Variants in PALM observed in about 807,000 individuals in gnomAD.
PALM encodes the protein paralemmin, also known as paralemmin-1.
PALM carries 18 observed loss-of-function variants against 30.7 expected under a neutral mutation model. The ratio of observed to expected loss-of-function variants is 0.59; its 90% CI spans 0.41 to 0.87. The LOEUF (loss-of-function observed/expected upper bound fraction) is 0.87, where lower values mean the gene tolerates loss of function less well. Among genes scored for constraint, PALM ranks in the 40% least tolerant of loss-of-function variants. PALM has a pLI of 0.00. For synonymous variants in PALM, 286 were observed against 242.8 expected, an observed-to-expected ratio of 1.18 and a Z score of -1.66; for missense variants, 529 against 555.4, an observed-to-expected ratio of 0.95 and a Z score of 0.48.
At chr19:740,625 C>A in intron 8 of PALM, 142 bp downstream of exon 8, 1 of 801,874 alleles carries the variant, frequency 1.2e-6, no homozygotes, top group Non-Finnish European at 1.9e-6. Context: ...CAGGCCAGGG[C>A]CTCACCCCCT....
chr19:748,001 C>G lies in PALM; in HGVS notation c.*1187C>G, dbSNP rs922452773. On this transcript the variant is annotated 3_prime_UTR_variant, in exon 9 of 9. Coordinates refer to ENST00000338448, the MANE Select transcript of PALM (RefSeq NM_002579.3). ...AACTTGGTCCCTGCCCTAGGGACCT[C>G]CAGCCTGGTGCCCAGTGCTCAGGCC... 1 of 152,622 alleles carries G rather than the reference C, an allele frequency of 6.6e-6. No homozygotes were observed. Among genetic ancestry groups the G allele is most frequent in the Admixed American group, 6.5e-5 (1 of 15,284 alleles). The allele number at this position is 152,622 out of a possible 1,614,324, so 9.5% of individuals were successfully genotyped here. A position where few individuals can be genotyped will look rare whatever the true frequency, so the allele number is the denominator to read the frequency against.
intron 6 of PALM, chr19:735,125 GCGGGGCCTGTGTCT>G (rs2032983602): frequency 1.4e-6 from 1 of 734,908 alleles, no homozygotes; most frequent in Non-Finnish European, 1.7e-6. Flanking sequence ...CTGTGTCTGT[GCGGGGCCTGTGTCT>G]GGGGGCCCAG....
chr19:725,913 C>T (rs1007468614), intron 1 of PALM, among the ~76,000 whole-genome samples: 1 of 152,222 alleles, frequency 6.6e-6, no homozygotes, highest in Non-Finnish European at 1.5e-5. Flanking sequence ...TCTCCCCAAA[C>T]CCTTCCTGGT....
chr19:741,451 G>A (rs574441986), intron 8 of PALM, among the ~76,000 whole-genome samples: 4 of 145,102 alleles, frequency 2.8e-5, no homozygotes, highest in Admixed American at 6.8e-5. Context: ...GAGGGGAGAC[G>A]GGCTGCAGGG....
chr19:713,171 G>T (rs951770849), intron 1 of PALM, among the ~76,000 whole-genome samples: 1 of 136,182 alleles, frequency 7.3e-6, no homozygotes, highest in Admixed American at 7.2e-5. Context: ...TTGTGGTCTT[G>T]TGGGGCGTGG....
intron 1 of PALM, among the ~76,000 whole-genome samples, chr19:713,792 G>T (rs2032162293): frequency 6.6e-6 from 1 of 152,158 alleles, no homozygotes. Flanking sequence ...ATGTTGGCCA[G>T]GCTGGTCTCG....
At chr19:734,546 A>G (rs750535077) in intron 6 of PALM, 1 of 277,220 alleles carries the variant, frequency 3.6e-6, no homozygotes, top group Non-Finnish European at 6.9e-6. Context: ...TCTGCCAAAC[A>G]TAAAAAAATT....
chr19:718,435 A>T (rs2032340305), intron 1 of PALM, among the ~76,000 whole-genome samples: 1 of 151,802 alleles, frequency 6.6e-6, no homozygotes, highest in African/African-American at 2.4e-5. Flanking sequence ...GTGGGGAGGG[A>T]CCATGGGGCC....
rs1599174438 is a variant in PALM, at chr19:746,896, A to C, written c.*82A>C. ...CCCTCCCGGCGCCTGCCCACCCTCCACCCACAGCCTCACGGGTCCAGGACT... is the reference window on the plus strand; with the variant it reads ...CCCTCCCGGCGCCTGCCCACCCTCCCCCCACAGCCTCACGGGTCCAGGACT... On this transcript the variant is annotated 3_prime_UTR_variant, in exon 9 of 9. Coordinates refer to ENST00000338448, the MANE Select transcript of PALM (RefSeq NM_002579.3). The surrounding 1 kb of genome is among the most constrained non-coding windows in gnomAD (Gnocchi z 7.1). 2.9e-6 allele frequency: 2 copies of C among 697,798 alleles called. No homozygotes were observed. Among genetic ancestry groups the C allele is most frequent in the Non-Finnish European group, 2.2e-6 (1 of 454,876 alleles). The allele number at this position is 697,798 out of a possible 1,614,324, so 43.2% of individuals were successfully genotyped here. A position where few individuals can be genotyped will look rare whatever the true frequency, so the allele number is the denominator to read the frequency against.
At chr19:735,936 G>A in intron 6 of PALM, 83 bp from the exon 7 acceptor site, 1 of 1,164,276 alleles carries the variant, frequency 8.6e-7, no homozygotes, top group Non-Finnish European at 1.3e-6. Flanking sequence ...GCACTTCTGT[G>A]AAGGGGCGTT....
At chr19:728,962 C>G (rs1053425675) in intron 4 of PALM, among the ~76,000 whole-genome samples, 3 of 151,782 alleles carry the variant, frequency 2.0e-5, no homozygotes, top group East Asian at 1.9e-4. Context: ...CAAGATCTCA[C>G]CGCTGCACTC....
intron 4 of PALM, among the ~76,000 whole-genome samples, chr19:729,315 G>A (rs770727824): frequency 2.0e-4 from 31 of 151,820 alleles, no homozygotes; most frequent in Non-Finnish European, 3.5e-4. Context: ...GACAGAGCGA[G>A]AATCTGTCTA....
chr19:739,799 A>C (rs1187397910), intron 7 of PALM, among the ~76,000 whole-genome samples: 1 of 151,760 alleles, frequency 6.6e-6, no homozygotes, highest in African/African-American at 2.4e-5. Flanking sequence ...AACATAGAGA[A>C]ACCCCGTCTC....
intron 1 of PALM, among the ~76,000 whole-genome samples, chr19:722,341 A>G (rs2032517737): frequency 6.6e-6 from 1 of 152,160 alleles, no homozygotes; most frequent in South Asian, 2.1e-4. Flanking sequence ...CAGCCTCCCA[A>G]GTAGCTGGGA....
At chr19:716,011 G>T (rs536756695) in intron 1 of PALM, among the ~76,000 whole-genome samples, 1 of 152,102 alleles carries the variant, frequency 6.6e-6, no homozygotes, top group Non-Finnish European at 1.5e-5. Flanking sequence ...GCTGTCTCCC[G>T]CCCCAGGGTT....
intron 1 of PALM, among the ~76,000 whole-genome samples, chr19:713,531 G>A (rs1168786255): frequency 6.6e-6 from 1 of 152,200 alleles, no homozygotes; most frequent in Non-Finnish European, 1.5e-5. Context: ...CATTAGCCAG[G>A]TTCATCCTTA....
At chr19:739,549 C>T (rs1031389917) in intron 7 of PALM, among the ~76,000 whole-genome samples, 13 of 152,004 alleles carry the variant, frequency 8.6e-5, no homozygotes, top group Admixed American at 2.0e-4. Context: ...GGTGTGGTGG[C>T]GCACACCTGT....
rs1178418588 is a variant in PALM at position 735,994 on chromosome 19, C to T, written c.443-25C>T. On this transcript the variant is annotated intron_variant, in intron 6 of 8. Transcript: ENST00000338448. Reference sequence around the variant, plus strand: ...GACCTCTCCTCTGACCCTCATCTCTCTCTCCGCTTCCACCTCCCGTGCAGA... The same window carrying T: ...GACCTCTCCTCTGACCCTCATCTCTTTCTCCGCTTCCACCTCCCGTGCAGA... 2.5e-6 allele frequency: 4 copies of T among 1,600,082 alleles called. No homozygotes were observed. In the Admixed American group the frequency reaches 6.8e-5, roughly 27 times the overall value.
intron 1 of PALM, among the ~76,000 whole-genome samples, chr19:710,574 C>G (rs2032041135): frequency 6.6e-6 from 1 of 152,126 alleles, no homozygotes; most frequent in Non-Finnish European, 1.5e-5. Context: ...GCGAACACTC[C>G]GGGTCGGGCC....
Sources: gnomAD v4.1 joint callset for allele counts (sites outside exome capture counted in the v4.1 genomes callset) on GRCh38, gnomAD v4.1.1 for gene constraint, Gnocchi (gnomAD v3.1) non-coding constraint, MANE v1.5 for transcripts, NCBI Gene and HGNC (gene_info 2026-07-23, HGNC 2026-07-21) for gene names.